PAPPA2: variants seen among roughly 807,000 people sequenced by gnomAD.
The protein encoded by PAPPA2 is pappalysin 2.
A neutral mutation model predicts 176.4 loss-of-function variants in PAPPA2; 86 were observed. The observed-to-expected ratio is 0.49, with a 90% CI of 0.41 to 0.58. The LOEUF is 0.58. Ranked by LOEUF, PAPPA2 falls within the 20% of genes least tolerant of loss-of-function variation. The probability of loss-of-function intolerance (pLI) is 0.00; values close to 1 mark genes in which losing one functional copy is unlikely to be tolerated. For missense variants in PAPPA2, 2,073 were observed against 2,256.9 expected (o/e 0.92, Z 1.65); for synonymous variants, 809 against 852.2 (o/e 0.95, Z 0.88).
At position 176,741,026 on chromosome 1, in the gene PAPPA2, C is replaced by T. The variant is rs116611569; in HGVS notation, c.4151+830C>T. Among the ~76,000 whole-genome samples, 1,051 of 152,156 alleles carry T rather than the reference C, an allele frequency of 6.9e-3. 14 individuals are homozygous for T. Among genetic ancestry groups the T allele is most frequent in the African/African-American group, 0.024 (995 of 41,528 alleles). ...TGCCACAAAGCTCATTCAAGGCATC[C>T]CAGATACTCAGACCTCACAGGGATG... On this transcript the variant is annotated intron_variant, in intron 14 of 22. Coordinates refer to ENST00000367662, the MANE Select transcript of PAPPA2 (RefSeq NM_020318.3).
chr1:176,521,986 A>G (rs1322336370), intron 1 of PAPPA2, among the ~76,000 whole-genome samples: 3 of 152,144 alleles, frequency 2.0e-5, no homozygotes, highest in Admixed American at 1.3e-4. Flanking sequence ...TAAGTCTTGC[A>G]CATCCTGTGG....
rs1161759986 is a variant in PAPPA2 at position 176,837,338 on chromosome 1, A to G, written c.5203-2835A>G. Among the ~76,000 whole-genome samples the G allele has an allele frequency of 2.6e-5, 4 of 152,208 alleles. No individual in the cohort carries two copies. In the South Asian group the frequency reaches 8.3e-4, roughly 32 times the overall value. The stretch of plus-strand genomic sequence containing the variant: ...AAGGGCTTGACTTTCTGGCTCAAAC[A>G]TAAATCATCTCTGAGGGGTGTGTGT... On this transcript the variant is annotated intron_variant, in intron 21 of 22. Coordinates refer to ENST00000367662, the MANE Select transcript of PAPPA2 (RefSeq NM_020318.3).
At chr1:176,742,132 T>G (rs577863421) in intron 14 of PAPPA2, among the ~76,000 whole-genome samples, 11 of 152,362 alleles carry the variant, frequency 7.2e-5, no homozygotes, top group Admixed American at 2.6e-4. Flanking sequence ...GTGATAACTA[T>G]TTATTTACTT....
chr1:176,574,665 C>G (rs1228691544), intron 2 of PAPPA2, among the ~76,000 whole-genome samples: 1 of 152,150 alleles, frequency 6.6e-6, no homozygotes, highest in Admixed American at 6.5e-5. Context: ...CATGATAACT[C>G]CAGGTTGACT....
intron 3 of PAPPA2, among the ~76,000 whole-genome samples, chr1:176,630,407 G>T (rs1656274292): frequency 6.6e-6 from 1 of 152,180 alleles, no homozygotes; most frequent in African/African-American, 2.4e-5. Context: ...TAGAGTAAAG[G>T]ATATATTTGG....
intron 12 of PAPPA2, among the ~76,000 whole-genome samples, chr1:176,725,951 T>G (rs1477528187): frequency 6.6e-6 from 1 of 152,128 alleles, no homozygotes; most frequent in African/African-American, 2.4e-5. Context: ...GGCTAATTGT[T>G]TTGTATTTTT....
At chr1:176,612,188 G>C (rs138559955) in intron 3 of PAPPA2, among the ~76,000 whole-genome samples, 1 of 152,100 alleles carries the variant, frequency 6.6e-6, no homozygotes, top group Non-Finnish European at 1.5e-5. Flanking sequence ...GAGACCAGGC[G>C]TTTGAGACCA....
At chr1:176,711,319 G>A (rs1661131150) in intron 11 of PAPPA2, among the ~76,000 whole-genome samples, 1 of 152,164 alleles carries the variant, frequency 6.6e-6, no homozygotes, top group Non-Finnish European at 1.5e-5. Context: ...CAGGGAAGTT[G>A]GGAGATTCTG....
At chr1:176,738,264 G>A (rs374378719) in intron 12 of PAPPA2, among the ~76,000 whole-genome samples, 2 of 152,058 alleles carry the variant, frequency 1.3e-5, no homozygotes, top group South Asian at 4.1e-4. Flanking sequence ...AATAAAAAGG[G>A]GGGGAAAGAC....
chr1:176,496,797 A>G (rs767285683), intron 1 of PAPPA2, among the ~76,000 whole-genome samples: 1 of 152,210 alleles, frequency 6.6e-6, no homozygotes, highest in Non-Finnish European at 1.5e-5. Flanking sequence ...TATTTTAGCA[A>G]TATTGAATTT....
At chr1:176,822,189 AG>A (rs1329522598) in intron 21 of PAPPA2, among the ~76,000 whole-genome samples, 5 of 152,204 alleles carry the variant, frequency 3.3e-5, no homozygotes, top group Admixed American at 6.5e-5. Context: ...CTGGGAGAGT[AG>A]GGAGCACTTC....
At chr1:176,837,567 T>C (rs1185803058) in intron 21 of PAPPA2, among the ~76,000 whole-genome samples, 2 of 151,958 alleles carry the variant, frequency 1.3e-5, no homozygotes, top group Non-Finnish European at 2.9e-5. Flanking sequence ...AAGTGACCCT[T>C]ACCAGGATAA....
intron 12 of PAPPA2, among the ~76,000 whole-genome samples, chr1:176,730,607 T>G (rs1662095978): frequency 6.6e-6 from 1 of 151,644 alleles, no homozygotes; most frequent in Admixed American, 6.6e-5. Flanking sequence ...TTGTTTTTTT[T>G]TTGTATTTCG....
intron 2 of PAPPA2, among the ~76,000 whole-genome samples, chr1:176,571,992 G>T (rs1262292047): frequency 6.6e-6 from 1 of 152,142 alleles, no homozygotes; most frequent in Non-Finnish European, 1.5e-5. Flanking sequence ...AAGATTCCGG[G>T]CACGGACCGT....
At chr1:176,464,694 A>G (rs1651533980) in intron 1 of PAPPA2, among the ~76,000 whole-genome samples, 1 of 152,222 alleles carries the variant, frequency 6.6e-6, no homozygotes, top group African/African-American at 2.4e-5. Context: ...GGCTCTCCGC[A>G]TAGTTATCTG....
intron 3 of PAPPA2, among the ~76,000 whole-genome samples, chr1:176,645,285 C>A (rs949330622): frequency 6.6e-6 from 1 of 151,666 alleles, no homozygotes; most frequent in Non-Finnish European, 1.5e-5. Context: ...ACAATTCTAC[C>A]CTCTATCTTT....
At chr1:176,632,277 G>C (rs985907853) in intron 3 of PAPPA2, among the ~76,000 whole-genome samples, 2 of 150,944 alleles carry the variant, frequency 1.3e-5, no homozygotes, top group Admixed American at 1.3e-4. Flanking sequence ...ACAGCTCTTA[G>C]GAAACTAGAA....
chr1:176,830,246 G>A (rs1472732013), intron 21 of PAPPA2, among the ~76,000 whole-genome samples: 1 of 152,070 alleles, frequency 6.6e-6, no homozygotes, highest in African/African-American at 2.4e-5. Flanking sequence ...ATAGATGACA[G>A]GGGGAATGTT....
intron 1 of PAPPA2, among the ~76,000 whole-genome samples, chr1:176,537,694 G>T (rs1381128662): frequency 1.3e-5 from 2 of 150,686 alleles, no homozygotes; most frequent in Non-Finnish European, 3.0e-5. Context: ...TAAACAAGAT[G>T]TCCGTTTCAA....
Sources: allele counts gnomAD v4.1 joint callset (sites outside exome capture counted in the v4.1 genomes callset), GRCh38; gene constraint gnomAD v4.1.1; transcripts MANE v1.5; gene names NCBI Gene and HGNC (gene_info 2026-07-23, HGNC 2026-07-21).